Variants in SETDB1 observed in about 807,000 individuals in gnomAD.
The protein encoded by SETDB1 is histone-lysine N-methyltransferase SETDB1.
SETDB1 carries 31 observed loss-of-function variants against 137.4 expected under a neutral mutation model. That is an observed-to-expected ratio of 0.23 (90% CI 0.17 to 0.30). SETDB1 has a LOEUF of 0.30. Among genes scored for constraint, SETDB1 ranks in the 10% least tolerant of loss-of-function variants. SETDB1 has a pLI of 1.00. For missense variants in SETDB1, 1,113 were observed against 1,631.5 expected, an observed-to-expected ratio of 0.68 and a Z score of 5.47; for synonymous variants, 548 against 579.9, an observed-to-expected ratio of 0.95 and a Z score of 0.79.
chr1:150,936,066 A>C (rs1427362641), intron 3 of SETDB1, among the ~76,000 whole-genome samples: 2 of 152,116 alleles, frequency 1.3e-5, no homozygotes, highest in Non-Finnish European at 2.9e-5. Flanking sequence ...GGCTCACTGC[A>C]AGCTCCACTT....
rs771746459 is a variant in SETDB1, at chr1:150,960,820, T to G, written c.2761T>G (p.Ser921Ala). The G allele has an allele frequency of 3.7e-5, 60 of 1,605,980 alleles. No individual in the cohort carries two copies. Among genetic ancestry groups the G allele is most frequent in the Non-Finnish European group, 5.1e-5 (60 of 1,176,204 alleles). ...TAAGGATGAGGACTTCAGCACCAGT[T>G]CAGTGTGGCGGAGCTATGCTACCCG... ...FCKDEDFSTSSVWRSYATRRQ... is the reference protein window; with the variant it reads ...FCKDEDFSTSAVWRSYATRRQ... Residue 921 changes from serine (S) to alanine (A), a missense_variant, in exon 16 of 22, where the codon TCA becomes GCA. Physicochemically the swap from Ser to Ala is moderately conservative, Grantham distance 99. Transcript: ENST00000692827.
chr1:150,955,306 C>T (rs977897835), intron 14 of SETDB1, among the ~76,000 whole-genome samples: 2 of 152,146 alleles, frequency 1.3e-5, no homozygotes, highest in African/African-American at 4.8e-5. Flanking sequence ...ATATCACTCC[C>T]CTGCTTAACT....
intron 2 of SETDB1, 118 bp downstream of exon 2, chr1:150,928,092 C>T: frequency 5.7e-6 from 7 of 1,232,108 alleles, no homozygotes; most frequent in Non-Finnish European, 8.0e-6. Context: ...GAGTCTCGCT[C>T]TGTCACCCAA....
At chr1:150,947,215 C>A (rs1670356812) in intron 10 of SETDB1, among the ~76,000 whole-genome samples, 2 of 152,154 alleles carry the variant, frequency 1.3e-5, no homozygotes, top group South Asian at 4.1e-4. Context: ...TCTAAACAAC[C>A]ACATAAAAAT....
chr1:150,963,306 CCTCT>C (rs1309013182), intron 19 of SETDB1, 167 bp downstream of exon 19: 2 of 719,276 alleles, frequency 2.8e-6, no homozygotes, highest in African/African-American at 3.6e-5. Flanking sequence ...TTTGACACAT[CCTCT>C]CTCATTTCCA....
In SETDB1 at chr1:150,964,489, A is replaced by G. The variant is rs1215581719; in HGVS notation, c.*125A>G. The G allele has an allele frequency of 1.3e-6, 1 of 750,162 alleles. No individual in the cohort carries two copies. Among genetic ancestry groups the G allele is most frequent in the Admixed American group, 2.0e-5 (1 of 50,036 alleles). The allele number at this position is 750,162 out of a possible 1,614,324, so 46.5% of individuals were successfully genotyped here. Reference sequence around the variant, plus strand: ...TCCCCCCAGCTCCTAGTTGATAGAAATGGGGGTTCTGGACCAGATGATCCC... The same window carrying G: ...TCCCCCCAGCTCCTAGTTGATAGAAGTGGGGGTTCTGGACCAGATGATCCC... On this transcript the variant is annotated 3_prime_UTR_variant, in exon 22 of 22. Coordinates refer to ENST00000692827, the MANE Select transcript of SETDB1 (RefSeq NM_001366418.1).
At chr1:150,926,706 G>T (rs1458441963) in intron 1 of SETDB1, 189 bp downstream of exon 1, 3 of 531,388 alleles carry the variant, frequency 5.6e-6, no homozygotes, top group Non-Finnish European at 1.2e-5. Context: ...GCTGGTGTGT[G>T]GGCAGAGGAA....
At position 150,927,736 on chromosome 1, in the gene SETDB1, A is replaced by G; in HGVS notation, c.22A>G (p.Ile8Val). Residue 8 changes from isoleucine (I) to valine (V), a missense_variant, in exon 2 of 22, where the codon ATT becomes GTT. Physicochemically the swap from Ile to Val is conservative, Grantham distance 29. This residue lies in a region of SETDB1 where 32 missense variants were observed against 26.3 expected (regional missense o/e 1.22). Transcript: ENST00000692827. Reference sequence around the variant, plus strand: ...AAGCATGTCTTCCCTTCCTGGGTGCATTGGTTTGGATGCAGCAACAGCTAC... The same window carrying G: ...AAGCATGTCTTCCCTTCCTGGGTGCGTTGGTTTGGATGCAGCAACAGCTAC... MSSLPGC[I>V]GLDAATATVE... 6.2e-7 allele frequency: 1 copy of G among 1,614,078 alleles called. No individual in the cohort carries two copies. Among genetic ancestry groups the G allele is most frequent in the African/African-American group, 1.3e-5 (1 of 75,046 alleles).
At chr1:150,930,519 C>CTTTTTTTTTTTTTTTTTTTTT (rs61548246) in intron 3 of SETDB1, 1 of 65,814 alleles carries the variant, frequency 1.5e-5, no homozygotes, top group African/African-American at 6.6e-5. Context: ...TTAGGATTTT[C>CTTTTTTTTTTTTTTTTTTTTT]TTTTTTTTTT....
chr1:150,960,501 C>CAA (rs377737157), intron 15 of SETDB1, 62 bp from the exon 16 acceptor site: 824 of 889,732 alleles, frequency 9.3e-4, no homozygotes, highest in African/African-American at 4.4e-3. Flanking sequence ...AAAAAGCAAA[C>CAA]AAAAAAAAAA....
intron 3 of SETDB1, among the ~76,000 whole-genome samples, chr1:150,937,446 C>T (rs2102670921): frequency 6.6e-6 from 1 of 152,184 alleles, no homozygotes; most frequent in South Asian, 2.1e-4. Flanking sequence ...CTTAATACCA[C>T]TGAATTGTAC....
At chr1:150,933,245 A>G (rs1342440755) in intron 3 of SETDB1, among the ~76,000 whole-genome samples, 2 of 151,390 alleles carry the variant, frequency 1.3e-5, no homozygotes, top group African/African-American at 4.9e-5. Flanking sequence ...TTTGTAGTAG[A>G]GATAAGGTCT....
At chr1:150,932,982 G>A (rs1415256442) in intron 3 of SETDB1, among the ~76,000 whole-genome samples, 1 of 151,928 alleles carries the variant, frequency 6.6e-6, no homozygotes, top group Non-Finnish European at 1.5e-5. Context: ...ATATCTTTCT[G>A]TTGTTAATTT....
chr1:150,936,072 C>T (rs911208470), intron 3 of SETDB1, among the ~76,000 whole-genome samples: 5 of 152,302 alleles, frequency 3.3e-5, no homozygotes, highest in Admixed American at 2.6e-4. Flanking sequence ...CTGCAAGCTC[C>T]ACTTCCCGGT....
In SETDB1 at chr1:150,932,308, C is replaced by T. The variant is rs587611909; in HGVS notation, c.412+2190C>T. 1.8e-4 allele frequency among the ~76,000 whole-genome samples: 28 copies of T among 151,448 alleles called. 1 individual carries two copies. The East Asian group carries it at 5.4e-3, about 29-fold the overall frequency. ...TTGGTTTATAGTTCTGTTGTGGTGTCCTTGTTTGGCTTTGGTAGCAGGGTA... is the reference window on the plus strand; with the variant it reads ...TTGGTTTATAGTTCTGTTGTGGTGTTCTTGTTTGGCTTTGGTAGCAGGGTA... On this transcript the variant is annotated intron_variant, in intron 3 of 21. Transcript: ENST00000692827.
At chr1:150,929,671 C>T (rs1193766852) in intron 2 of SETDB1, among the ~76,000 whole-genome samples, 1 of 152,066 alleles carries the variant, frequency 6.6e-6, no homozygotes, top group Non-Finnish European at 1.5e-5. Flanking sequence ...TGTGAGCCAC[C>T]ACTGCCAGCC....
At chr1:150,926,637 G>T (rs1299462207) in intron 1 of SETDB1, 120 bp downstream of exon 1, 6 of 460,448 alleles carry the variant, frequency 1.3e-5, no homozygotes, top group South Asian at 9.3e-5. Flanking sequence ...CGGGGGCGGG[G>T]CTGAACTGGG....
rs149404089 is a variant in SETDB1, at chr1:150,961,115, G to A, written c.3056G>A (p.Arg1019Gln). Residue 1019 changes from arginine (R) to glutamine (Q), a missense_variant, in exon 16 of 22, where the codon CGA becomes CAA. Physicochemically the swap from Arg to Gln is conservative, Grantham distance 43 (BLOSUM62 1). Coordinates refer to ENST00000692827, the MANE Select transcript of SETDB1 (RefSeq NM_001366418.1). Reference sequence around the variant, plus strand: ...GGGGAGGGCCGGGCTGGGGGAAGCCGAATGGAGGCTGAGAAGGCCTCCACC... The same window carrying A: ...GGGGAGGGCCGGGCTGGGGGAAGCCAAATGGAGGCTGAGAAGGCCTCCACC... ...EGGEGRAGGS[R>Q]MEAEKASTSG... 35 of 1,613,918 alleles carry A rather than the reference G, an allele frequency of 2.2e-5. No homozygotes were observed. The highest frequency in any genetic ancestry group is 1.6e-4 in the Middle Eastern group (1 of 6,082).
chr1:150,944,833 A>C, intron 8 of SETDB1, 85 bp from the exon 9 acceptor site: 1 of 1,460,914 alleles, frequency 6.8e-7, no homozygotes, highest in Non-Finnish European at 9.2e-7. Context: ...CAACTTAAAA[A>C]GTATCAAATG....
Sources: gnomAD v4.1 joint callset for allele counts (sites outside exome capture counted in the v4.1 genomes callset) on GRCh38, gnomAD v4.1.1 for gene constraint, gnomAD v4.1.1 regional missense constraint, MANE v1.5 for transcripts, NCBI Gene and HGNC (gene_info 2026-07-23, HGNC 2026-07-21) for gene names.